Variants in SCN9A observed in about 807,000 individuals in gnomAD.
The protein encoded by SCN9A is sodium channel protein type 9 subunit alpha.
SCN9A carries 131 observed loss-of-function variants against 187.0 expected under a neutral mutation model. The ratio of observed to expected loss-of-function variants is 0.70; its 90% CI spans 0.61 to 0.81. The LOEUF (loss-of-function observed/expected upper bound fraction) is 0.81. Among genes scored for constraint, SCN9A ranks in the 30% least tolerant of loss-of-function variants. The pLI is 0.00. For missense variants in SCN9A, 2,252 were observed against 2,396.6 expected (o/e 0.94, Z 1.26); for synonymous variants, 809 against 808.6 (o/e 1.00, Z -0.01).
intron 7 of SCN9A, among the ~76,000 whole-genome samples, chr2:166,295,765 A>G (rs542639098): frequency 9.2e-5 from 14 of 152,324 alleles, no homozygotes; most frequent in African/African-American, 3.4e-4. Context: ...CTTAGGACCT[A>G]CTAATTCTAG....
intron 1 of SCN9A, 65 bp downstream of exon 1, chr2:166,375,632 A>C (rs1029770326): frequency 6.6e-6 from 1 of 152,430 alleles, no homozygotes; most frequent in Non-Finnish European, 1.5e-5. Context: ...TGAGGCGAGC[A>C]CGGGCGAAAG....
intron 1 of SCN9A, among the ~76,000 whole-genome samples, chr2:166,373,071 C>T (rs764399440): frequency 2.6e-5 from 4 of 152,086 alleles, no homozygotes; most frequent in Admixed American, 6.5e-5. Context: ...GGAGTAAGCA[C>T]GCATAGAGTT....
At chr2:166,258,473 A>G (rs1696372228) in intron 17 of SCN9A, among the ~76,000 whole-genome samples, 1 of 151,524 alleles carries the variant, frequency 6.6e-6, no homozygotes, top group Admixed American at 6.6e-5. Flanking sequence ...ATTCATAGGC[A>G]AGGCCTATCA....
intron 24 of SCN9A, among the ~76,000 whole-genome samples, chr2:166,205,564 AG>A (rs1693756833): frequency 6.6e-6 from 1 of 152,212 alleles, no homozygotes; most frequent in Non-Finnish European, 1.5e-5. Context: ...AAACCCTAGA[AG>A]AAACTCTAGG....
chr2:166,301,916 A>T (rs1396614859), intron 7 of SCN9A: 1 of 150,968 alleles, frequency 6.6e-6, no homozygotes, highest in Non-Finnish European at 1.5e-5. Context: ...TTTACTTCAA[A>T]ACTTTCAGTT....
chr2:166,264,615 T>C (rs1351972374), intron 17 of SCN9A, among the ~76,000 whole-genome samples: 1 of 151,984 alleles, frequency 6.6e-6, no homozygotes, highest in African/African-American at 2.4e-5. Context: ...TTGATTTGAT[T>C]CTGGAGTGTA....
intron 1 of SCN9A, among the ~76,000 whole-genome samples, chr2:166,320,913 G>C (rs868106112): frequency 1.3e-5 from 2 of 152,108 alleles, no homozygotes; most frequent in Admixed American, 1.3e-4. Flanking sequence ...AATCATCTGT[G>C]TAACCTAAAA....
intron 1 of SCN9A, among the ~76,000 whole-genome samples, chr2:166,337,287 G>A (rs963051114): frequency 1.1e-4 from 17 of 152,184 alleles, no homozygotes; most frequent in South Asian, 8.3e-4. Flanking sequence ...GAAACTAGGA[G>A]GATGAGGCTT....
intron 1 of SCN9A, among the ~76,000 whole-genome samples, chr2:166,323,125 C>CT (rs999464727): frequency 2.2e-4 from 33 of 152,214 alleles, no homozygotes; most frequent in African/African-American, 6.5e-4. Context: ...ATCATTAAGA[C>CT]TTTTTTCTTT....
intron 21 of SCN9A, among the ~76,000 whole-genome samples, chr2:166,229,358 A>C (rs1339236366): frequency 6.8e-6 from 1 of 146,006 alleles, no homozygotes; most frequent in Non-Finnish European, 1.5e-5. Flanking sequence ...TGGAAAAAAA[A>C]GAAATGTATA....
At chr2:166,228,549 G>T in intron 22 of SCN9A, 142 bp downstream of exon 22, 1 of 810,096 alleles carries the variant, frequency 1.2e-6, no homozygotes, top group Non-Finnish European at 1.9e-6. Flanking sequence ...GAGCCACTGC[G>T]CCCGGCCAAG....
chr2:166,265,274 C>T (rs190896464), intron 17 of SCN9A, among the ~76,000 whole-genome samples: 270 of 151,748 alleles, frequency 1.8e-3, no homozygotes, highest in Non-Finnish European at 3.3e-3. Context: ...CTATGACAAC[C>T]CTTTAGATTC....
At chr2:166,238,528 C>A (rs1695420958) in intron 19 of SCN9A, among the ~76,000 whole-genome samples, 1 of 152,172 alleles carries the variant, frequency 6.6e-6, no homozygotes, top group Admixed American at 6.5e-5. Context: ...GACTCATGAT[C>A]TCTGACACCT....
At chr2:166,205,018 A>G (rs946265310) in intron 24 of SCN9A, 7 of 152,252 alleles carry the variant, frequency 4.6e-5, no homozygotes, top group Non-Finnish European at 1.0e-4. Context: ...AGAGGACACA[A>G]ACAAATGGAA....
intron 17 of SCN9A, among the ~76,000 whole-genome samples, chr2:166,256,006 G>A (rs1286639213): frequency 6.6e-6 from 1 of 151,228 alleles, no homozygotes; most frequent in Admixed American, 6.6e-5. Context: ...TCAATTAAAG[G>A]ATCAAAGGAT....
At chr2:166,263,660 C>G (rs1696607845) in intron 17 of SCN9A, among the ~76,000 whole-genome samples, 2 of 151,912 alleles carry the variant, frequency 1.3e-5, no homozygotes, top group Admixed American at 6.6e-5. Context: ...TGTTGAAGTC[C>G]TAACCCTGGC....
chr2:166,263,610 A>C (rs1696605966), intron 17 of SCN9A, among the ~76,000 whole-genome samples: 1 of 152,026 alleles, frequency 6.6e-6, no homozygotes. Flanking sequence ...CTAAGTCAAA[A>C]TTCTTTGTTG....
intron 26 of SCN9A, among the ~76,000 whole-genome samples, chr2:166,203,110 G>A (rs1188950912): frequency 6.6e-6 from 1 of 151,504 alleles, no homozygotes; most frequent in Non-Finnish European, 1.5e-5. Context: ...ATTTTGGTAT[G>A]ACTTCTGGTG....
intron 1 of SCN9A, among the ~76,000 whole-genome samples, chr2:166,368,059 C>T (rs1224307576): frequency 1.3e-5 from 2 of 152,082 alleles, no homozygotes; most frequent in Non-Finnish European, 2.9e-5. Context: ...TATGTGCAAA[C>T]GTATTCTTGG....
Sources: allele counts gnomAD v4.1 joint callset (sites outside exome capture counted in the v4.1 genomes callset), GRCh38; gene constraint gnomAD v4.1.1; transcripts MANE v1.5; gene names NCBI Gene and HGNC (gene_info 2026-07-23, HGNC 2026-07-21).